FHOD3: variants seen among roughly 807,000 people sequenced by gnomAD.
The protein encoded by FHOD3 is formin homology 2 domain containing 3.
Under a neutral mutation model 173.0 loss-of-function variants are expected in FHOD3, and 90 were observed. The ratio of observed to expected loss-of-function variants is 0.52; its 90% CI spans 0.44 to 0.62. The LOEUF (loss-of-function observed/expected upper bound fraction) is 0.62, where lower values mean the gene tolerates loss of function less well. FHOD3 is among the 20% of genes least tolerant of loss of function. The pLI is 0.00. For missense variants in FHOD3, 1,945 were observed against 2,034.7 expected, an observed-to-expected ratio of 0.96 and a Z score of 0.85; for synonymous variants, 828 against 823.0, an observed-to-expected ratio of 1.01 and a Z score of -0.10.
chr18:36,659,194 C>G (rs1267091485), intron 14 of FHOD3, among the ~76,000 whole-genome samples: 2 of 152,138 alleles, frequency 1.3e-5, no homozygotes, highest in Non-Finnish European at 2.9e-5. Flanking sequence ...ACCTTAAGCC[C>G]TGGGAGGAAG....
intron 2 of FHOD3, among the ~76,000 whole-genome samples, chr18:36,357,382 A>G (rs575905298): frequency 2.6e-5 from 4 of 152,334 alleles, no homozygotes; most frequent in African/African-American, 9.6e-5. Context: ...CTTAGCGAAT[A>G]CTAGTGTCCA....
At chr18:36,298,108 G>A in intron 1 of FHOD3, 108 bp downstream of exon 1, 1 of 1,018,046 alleles carries the variant, frequency 9.8e-7, no homozygotes, top group Non-Finnish European at 1.3e-6. Context: ...GGCTGGGCGC[G>A]GCCCGGGGGG....
chr18:36,762,924 A>G (rs960222466), intron 27 of FHOD3, among the ~76,000 whole-genome samples: 7 of 147,386 alleles, frequency 4.7e-5, no homozygotes, highest in Non-Finnish European at 1.0e-4. Context: ...ATATATGTGT[A>G]TTATATACAT....
chr18:36,540,513 T>C (rs892708245), intron 5 of FHOD3, among the ~76,000 whole-genome samples: 6 of 152,190 alleles, frequency 3.9e-5, no homozygotes, highest in African/African-American at 1.4e-4. Context: ...AGGGGACTTT[T>C]GTTTAAATTA....
intron 6 of FHOD3, among the ~76,000 whole-genome samples, chr18:36,578,158 A>G (rs1212764702): frequency 6.6e-6 from 1 of 152,162 alleles, no homozygotes; most frequent in Admixed American, 6.5e-5. Context: ...CTGTTCTCAC[A>G]CCGCTAATAA....
chr18:36,748,369 CACACACACACACA>C (rs1022003636), intron 24 of FHOD3, among the ~76,000 whole-genome samples: 3 of 132,086 alleles, frequency 2.3e-5, no homozygotes, highest in Non-Finnish European at 4.7e-5. Flanking sequence ...CACGCGCACA[CACACACACACACA>C]ACACACACAC....
intron 4 of FHOD3, among the ~76,000 whole-genome samples, chr18:36,510,101 A>C (rs1568364923): frequency 1.3e-5 from 2 of 152,184 alleles, no homozygotes; most frequent in Non-Finnish European, 2.9e-5. Context: ...TTCTTTTCCA[A>C]ACTAAATTGT....
intron 14 of FHOD3, among the ~76,000 whole-genome samples, chr18:36,671,332 T>G (rs1028846771): frequency 6.6e-6 from 1 of 152,370 alleles, no homozygotes; most frequent in East Asian, 1.9e-4. Flanking sequence ...AGGGCAATCA[T>G]GAGGAACACC....
chr18:36,558,032 A>T (rs544298867), intron 5 of FHOD3, among the ~76,000 whole-genome samples: 2 of 152,218 alleles, frequency 1.3e-5, no homozygotes, highest in Non-Finnish European at 2.9e-5. Context: ...ATAGCTGTGT[A>T]TGAATGCTGG....
At chr18:36,329,872 A>T (rs897711568) in intron 1 of FHOD3, among the ~76,000 whole-genome samples, 2 of 152,246 alleles carry the variant, frequency 1.3e-5, no homozygotes, top group Non-Finnish European at 2.9e-5. Flanking sequence ...CCTGAGACTT[A>T]CAAAGGGCAA....
intron 28 of FHOD3, among the ~76,000 whole-genome samples, chr18:36,775,034 G>A (rs1015131218): frequency 1.3e-5 from 2 of 152,092 alleles, no homozygotes; most frequent in African/African-American, 4.8e-5. Flanking sequence ...GCCGTTTTAC[G>A]TCCACTCAGA....
At chr18:36,372,385 T>A (rs1468311866) in intron 2 of FHOD3, among the ~76,000 whole-genome samples, 1 of 152,176 alleles carries the variant, frequency 6.6e-6, no homozygotes, top group Non-Finnish European at 1.5e-5. Flanking sequence ...GATTTTAAAA[T>A]TTTCCCAACA....
chr18:36,637,772 T>G (rs945248031), intron 10 of FHOD3, among the ~76,000 whole-genome samples: 1 of 152,126 alleles, frequency 6.6e-6, no homozygotes, highest in African/African-American at 2.4e-5. Context: ...GAGGAGACCC[T>G]CCAGAAGTGC....
intron 14 of FHOD3, among the ~76,000 whole-genome samples, chr18:36,662,007 G>A (rs1426748499): frequency 6.6e-6 from 1 of 152,188 alleles, no homozygotes; most frequent in Non-Finnish European, 1.5e-5. Flanking sequence ...TGTACTTTTT[G>A]AGCAGATAAT....
intron 3 of FHOD3, among the ~76,000 whole-genome samples, chr18:36,435,647 A>G (rs990271352): frequency 6.6e-6 from 1 of 152,204 alleles, no homozygotes; most frequent in Non-Finnish European, 1.5e-5. Context: ...GGCTAATGAT[A>G]TAGAATGATA....
chr18:36,514,860 C>T (rs1277627816), intron 5 of FHOD3, among the ~76,000 whole-genome samples: 1 of 152,216 alleles, frequency 6.6e-6, no homozygotes, highest in Non-Finnish European at 1.5e-5. Context: ...TTACATGACC[C>T]CCTGTAGCTG....
intron 24 of FHOD3, among the ~76,000 whole-genome samples, chr18:36,749,106 C>T (rs2042291996): frequency 6.6e-6 from 1 of 152,118 alleles, no homozygotes; most frequent in Non-Finnish European, 1.5e-5. Context: ...AAAGGTGTCT[C>T]TTTGGGTAAA....
At chr18:36,585,865 A>G (rs1310881628) in intron 6 of FHOD3, among the ~76,000 whole-genome samples, 1 of 152,238 alleles carries the variant, frequency 6.6e-6, no homozygotes, top group Non-Finnish European at 1.5e-5. Flanking sequence ...ACACCAAAGT[A>G]GGCAGCATGC....
intron 18 of FHOD3, chr18:36,711,177 C>T (rs2040151257): frequency 1.3e-5 from 2 of 152,146 alleles, no homozygotes. Flanking sequence ...TTTACTGTAG[C>T]TTATTGGTTC....
Sources: gnomAD v4.1 joint callset for allele counts (sites outside exome capture counted in the v4.1 genomes callset) on GRCh38, gnomAD v4.1.1 for gene constraint, MANE v1.5 for transcripts, NCBI Gene and HGNC (gene_info 2026-07-23, HGNC 2026-07-21) for gene names.